Variants in PCDH15 observed in about 807,000 individuals in gnomAD.
PCDH15 encodes protocadherin related 15.
A neutral mutation model predicts 178.5 loss-of-function variants in PCDH15; 129 were observed. The ratio of observed to expected loss-of-function variants is 0.72; its 90% CI spans 0.63 to 0.84. PCDH15 has a LOEUF of 0.84. Among genes scored for constraint, PCDH15 ranks in the 40% least tolerant of loss-of-function variants. The probability of loss-of-function intolerance (pLI) is 0.00; values close to 1 mark genes in which losing one functional copy is unlikely to be tolerated. For synonymous variants in PCDH15, 800 were observed against 732.0 expected (o/e 1.09, Z -1.50); for missense variants, 2,230 against 2,099.9 (o/e 1.06, Z -1.21).
chr10:54,244,373 T>G (rs2055708453), intron 8 of PCDH15, among the ~76,000 whole-genome samples: 1 of 152,200 alleles, frequency 6.6e-6, no homozygotes, highest in African/African-American at 2.4e-5. Context: ...TCCTTTTCTA[T>G]GGATCATCAA....
intron 2 of PCDH15, among the ~76,000 whole-genome samples, chr10:55,326,794 G>C (rs1437447089): frequency 1.3e-5 from 2 of 151,878 alleles, no homozygotes; most frequent in African/African-American, 4.8e-5. Flanking sequence ...AATTGAGAAG[G>C]ATTACGAAGA....
chr10:53,913,400 G>GC (rs1480694108), intron 25 of PCDH15, among the ~76,000 whole-genome samples: 1 of 151,938 alleles, frequency 6.6e-6, no homozygotes, highest in Non-Finnish European at 1.5e-5. Context: ...AAAAGCAATG[G>GC]CACCGAAAAC....
At chr10:54,713,772 G>A (rs544714415) in intron 1 of PCDH15, among the ~76,000 whole-genome samples, 21 of 152,014 alleles carry the variant, frequency 1.4e-4, no homozygotes, top group Non-Finnish European at 2.5e-4. Flanking sequence ...TGAAAATTGC[G>A]TTTTCTAAAT....
intron 1 of PCDH15, among the ~76,000 whole-genome samples, chr10:54,716,791 C>T (rs1398076907): frequency 8.6e-5 from 13 of 151,038 alleles, no homozygotes; most frequent in African/African-American, 1.7e-4. Flanking sequence ...AAAAAGAGCC[C>T]GCATCACCAA....
chr10:54,887,884 T>G (rs930380288), intron 3 of PCDH15, among the ~76,000 whole-genome samples: 2 of 152,132 alleles, frequency 1.3e-5, no homozygotes, highest in African/African-American at 4.8e-5. Context: ...AATTTCTATC[T>G]TGTACATCTT....
intron 14 of PCDH15, among the ~76,000 whole-genome samples, chr10:54,138,604 C>T (rs1341263562): frequency 6.6e-6 from 1 of 152,166 alleles, no homozygotes; most frequent in Non-Finnish European, 1.5e-5. Flanking sequence ...TGTGCTACTG[C>T]TCTAACCATG....
chr10:55,282,213 C>T (rs1842752611), intron 1 of PCDH15, among the ~76,000 whole-genome samples: 1 of 152,094 alleles, frequency 6.6e-6, no homozygotes, highest in Non-Finnish European at 1.5e-5. Flanking sequence ...CCATGCTGCC[C>T]TCCTTTAGTG....
At chr10:54,012,384 A>G (rs889993121) in intron 20 of PCDH15, among the ~76,000 whole-genome samples, 3 of 152,198 alleles carry the variant, frequency 2.0e-5, no homozygotes, top group Admixed American at 2.0e-4. Flanking sequence ...GATATTGTCC[A>G]TGAAAACTTC....
At position 54,730,937 on chromosome 10, in the gene PCDH15, T is replaced by C. The variant is rs184056967; in HGVS notation, c.-28-66647A>G. ...AAATTACATTAGGCTAAAAACCTTC[T>C]GCACAGAAAAGAAAACAATCTAGAA... On this transcript the variant is annotated intron_variant, in intron 1 of 37. Transcript: ENST00000644397. 4.6e-5 allele frequency among the ~76,000 whole-genome samples: 7 copies of C among 151,418 alleles called. No homozygotes were observed. In the Admixed American group the frequency reaches 4.6e-4, roughly 10 times the overall value.
chr10:54,410,461 T>C (rs1953329168), intron 3 of PCDH15, among the ~76,000 whole-genome samples: 1 of 152,158 alleles, frequency 6.6e-6, no homozygotes, highest in African/African-American at 2.4e-5. Context: ...CAAAGGCAAT[T>C]GTGTTTAAAG....
intron 1 of PCDH15, among the ~76,000 whole-genome samples, chr10:54,770,963 A>T (rs968391417): frequency 6.6e-6 from 1 of 152,100 alleles, no homozygotes; most frequent in African/African-American, 2.4e-5. Flanking sequence ...TTGCAAAAGT[A>T]TTAGATGATA....
intron 2 of PCDH15, among the ~76,000 whole-genome samples, chr10:55,085,791 C>T (rs1285646508): frequency 1.3e-5 from 2 of 151,770 alleles, no homozygotes; most frequent in Admixed American, 6.6e-5. Flanking sequence ...TATTGAAATA[C>T]AGCATTGAGT....
chr10:54,063,006 T>C (rs1482314707), intron 18 of PCDH15, among the ~76,000 whole-genome samples: 2 of 152,322 alleles, frequency 1.3e-5, no homozygotes, highest in Admixed American at 6.5e-5. Flanking sequence ...TTCAGCAATG[T>C]GGCATTTTAA....
At chr10:55,135,917 A>G (rs1027333211) in intron 2 of PCDH15, among the ~76,000 whole-genome samples, 1 of 152,116 alleles carries the variant, frequency 6.6e-6, no homozygotes, top group African/African-American at 2.4e-5. Context: ...TTGAATTTGT[A>G]TATAGCATCT....
chr10:54,012,456 T>C (rs956608033), intron 20 of PCDH15, among the ~76,000 whole-genome samples: 1 of 151,992 alleles, frequency 6.6e-6, no homozygotes, highest in Non-Finnish European at 1.5e-5. Context: ...CAAGATACTA[T>C]ATAAGAAGAC....
At chr10:54,863,375 T>C (rs1177980876) in intron 3 of PCDH15, among the ~76,000 whole-genome samples, 3 of 152,084 alleles carry the variant, frequency 2.0e-5, no homozygotes, top group East Asian at 1.9e-4. Context: ...ACCCCGTCTC[T>C]ACTAAAAATA....
chr10:54,553,974 A>G (rs535473181), intron 2 of PCDH15, among the ~76,000 whole-genome samples: 2 of 152,258 alleles, frequency 1.3e-5, no homozygotes, highest in Non-Finnish European at 1.5e-5. Flanking sequence ...TCTAATTTCC[A>G]TGACTGTCTT....
At chr10:54,914,209 T>G (rs559654146) in intron 2 of PCDH15, among the ~76,000 whole-genome samples, 1 of 152,196 alleles carries the variant, frequency 6.6e-6, no homozygotes, top group South Asian at 2.1e-4. Flanking sequence ...AGGGGCATGG[T>G]GGGAAGTGAT....
At chr10:54,885,065 G>A (rs1455884669) in intron 3 of PCDH15, among the ~76,000 whole-genome samples, 2 of 151,800 alleles carry the variant, frequency 1.3e-5, no homozygotes, top group South Asian at 2.1e-4. Flanking sequence ...GAAAGCACAG[G>A]TTTTGTTTGT....
Sources: gnomAD v4.1 joint callset for allele counts (sites outside exome capture counted in the v4.1 genomes callset) on GRCh38, gnomAD v4.1.1 for gene constraint, MANE v1.5 for transcripts, NCBI Gene and HGNC (gene_info 2026-07-23, HGNC 2026-07-21) for gene names.